The following DNAAF1 variants were observed in gnomAD, a reference collection of about 807,000 sequenced individuals.
DNAAF1 encodes dynein axonemal assembly factor 1, also known as dynein assembly factor 1, axonemal.
Under a neutral mutation model 71.1 loss-of-function variants are expected in DNAAF1, and 65 were observed. The observed-to-expected ratio is 0.91, with a 90% CI of 0.75 to 1.12. The LOEUF is 1.12. Among genes scored for constraint, DNAAF1 ranks in the 50% most tolerant of loss-of-function variants. The probability of loss-of-function intolerance (pLI) is 0.00; values close to 1 mark genes in which losing one functional copy is unlikely to be tolerated. For synonymous variants in DNAAF1, 414 were observed against 354.6 expected (o/e 1.17, Z -1.88); for missense variants, 1,178 against 899.8 (o/e 1.31, Z -3.96).
In DNAAF1 at chr16:84,172,259, GA is replaced by G. The variant is rs768889652; in HGVS notation, c.1530del (p.Glu510AspfsTer25). 1 of 1,613,812 alleles carries G rather than the reference GA, an allele frequency of 6.2e-7. No homozygotes were observed. Among genetic ancestry groups the G allele is most frequent in the Non-Finnish European group, 8.5e-7 (1 of 1,179,930 alleles). ...PPPPLGAARE[E>X]PTPQAVATEG... ...CTCCAAGACTTGTTGTTGCTCTTTA[GA>G]ACCGACTCCCCAGGCTGTGGCCACT... On this transcript the variant is annotated frameshift_variant and splice_region_variant, in exon 9 of 12. Coordinates refer to ENST00000378553, the MANE Select transcript of DNAAF1 (RefSeq NM_178452.6). LOFTEE classifies it high-confidence loss of function.
intron 10 of DNAAF1, chr16:84,175,114 C>T (rs1466616818): frequency 1.1e-5 from 3 of 274,014 alleles, no homozygotes; most frequent in Non-Finnish European, 2.2e-5. Context: ...CCTCAGCCTC[C>T]CAAAGTGCTG....
At chr16:84,153,877 C>T (rs532384982) in intron 3 of DNAAF1, among the ~76,000 whole-genome samples, 2 of 152,220 alleles carry the variant, frequency 1.3e-5, no homozygotes, top group East Asian at 3.9e-4. Context: ...TCCACCCACT[C>T]CCCACCATGA....
At chr16:84,177,004 G>A (rs544579935) in intron 11 of DNAAF1, 59 of 166,088 alleles carry the variant, frequency 3.6e-4, no homozygotes, top group Middle Eastern at 3.2e-3. Context: ...TTCAGCATCT[G>A]CCTTCAGGTG....
intron 3 of DNAAF1, among the ~76,000 whole-genome samples, chr16:84,151,845 C>G (rs939008149): frequency 6.6e-6 from 1 of 152,228 alleles, no homozygotes; most frequent in Admixed American, 6.5e-5. Flanking sequence ...AATTTCTCAC[C>G]ACATGAGCCT....
chr16:84,152,213 G>T (rs193008853), intron 3 of DNAAF1, among the ~76,000 whole-genome samples: 61 of 152,310 alleles, frequency 4.0e-4, no homozygotes, highest in African/African-American at 1.4e-3. Flanking sequence ...GAACAGCAAA[G>T]GGGGAGGAGA....
chr16:84,163,317 A>G (rs2087802789), intron 6 of DNAAF1, among the ~76,000 whole-genome samples: 1 of 149,438 alleles, frequency 6.7e-6, no homozygotes, highest in African/African-American at 2.5e-5. Flanking sequence ...GAAGGTTCCA[A>G]TTTTCCCGTA....
chr16:84,175,422 CAG>C (rs1043287681), intron 10 of DNAAF1: 2 of 182,438 alleles, frequency 1.1e-5, no homozygotes, highest in African/African-American at 2.4e-5. Context: ...GGAATTCTCT[CAG>C]AGTGACGTGA....
Position 84,174,752 on chromosome 16 carries a change from A to C in DNAAF1, c.1698+30A>C, listed in dbSNP as rs763259283. 35 of 1,614,014 alleles carry C rather than the reference A, an allele frequency of 2.2e-5. No individual in the cohort carries two copies. In the Admixed American group the frequency reaches 5.7e-4, roughly 26 times the overall value. ...AGGTCATTAGAAACCATTTTCCCAC[A>C]GGCAGCTTAATTCCACCTTCGTTCT... On this transcript the variant is annotated intron_variant, in intron 10 of 11. Coordinates refer to ENST00000378553, the MANE Select transcript of DNAAF1 (RefSeq NM_178452.6).
chr16:84,161,911 A>C (rs556433762), intron 6 of DNAAF1, among the ~76,000 whole-genome samples: 1 of 152,132 alleles, frequency 6.6e-6, no homozygotes, highest in Non-Finnish European at 1.5e-5. Flanking sequence ...CCCGACTAAA[A>C]GGGCTCCTCT....
intron 6 of DNAAF1, among the ~76,000 whole-genome samples, chr16:84,162,871 C>T (rs2087781606): frequency 6.6e-6 from 1 of 151,858 alleles, no homozygotes; most frequent in African/African-American, 2.4e-5. Context: ...CCCCCTATTT[C>T]TCGCTCCCTG....
In DNAAF1 at chr16:84,149,074, G is replaced by A; in HGVS notation, c.192G>A (p.Gln64=). The A allele has an allele frequency of 6.2e-7, 1 of 1,614,170 alleles. No individual in the cohort carries two copies. Among genetic ancestry groups the A allele is most frequent in the South Asian group, 1.1e-5 (1 of 91,090 alleles). The change falls in exon 2 of 12, where the codon CAG becomes CAA. Residue 64 remains glutamine, a synonymous_variant. Transcript: ENST00000378553. The part of the protein sequence containing the change: ...SDTSYHSQQK[Q]SGDNGSGGHF... The stretch of plus-strand genomic sequence containing the variant: ...CATCCTACCACAGCCAGCAGAAACA[G>A]AGTGGTGATAATGGGTCAGGTGGTC...
intron 8 of DNAAF1, 62 bp from the exon 9 acceptor site, chr16:84,172,198 T>C: frequency 6.6e-7 from 1 of 1,515,914 alleles, no homozygotes; most frequent in Admixed American, 1.8e-5. Context: ...ATCTTCACCG[T>C]AGGCTCGTCC....
chr16:84,159,197 C>G (rs772269130), intron 5 of DNAAF1: 2 of 1,011,180 alleles, frequency 2.0e-6, no homozygotes, highest in African/African-American at 3.5e-5. Context: ...GTCCATCCTG[C>G]GGCACTCAGC....
In DNAAF1 at chr16:84,145,435, G is replaced by A; in HGVS notation, c.-6G>A. ...CTGCGGGGCGTTCGGTGTCGCCGAA[G>A]TAAACATGCACCCTGAGCCCTCGGA... On this transcript the variant is annotated 5_prime_UTR_variant, in exon 1 of 12. Coordinates refer to ENST00000378553, the MANE Select transcript of DNAAF1 (RefSeq NM_178452.6). The A allele has an allele frequency of 6.3e-7, 1 of 1,580,312 alleles. No homozygotes were observed. Among genetic ancestry groups the A allele is most frequent in the Non-Finnish European group, 8.6e-7 (1 of 1,163,640 alleles).
At chr16:84,155,547 C>T in intron 4 of DNAAF1, 36 bp from the exon 5 acceptor site, 1 of 1,612,432 alleles carries the variant, frequency 6.2e-7, no homozygotes, top group Non-Finnish European at 8.5e-7. Context: ...CATTTTTATG[C>T]CTTTGTTTTT....
intron 9 of DNAAF1, 169 bp downstream of exon 9, chr16:84,172,544 C>G: frequency 6.9e-7 from 1 of 1,445,420 alleles, no homozygotes. Flanking sequence ...GGCCTCACCC[C>G]AGGCCCACTG....
At chr16:84,157,343 C>G (rs1433648956) in intron 5 of DNAAF1, among the ~76,000 whole-genome samples, 1 of 151,594 alleles carries the variant, frequency 6.6e-6, no homozygotes, top group Non-Finnish European at 1.5e-5. Flanking sequence ...GTCAACATGG[C>G]AAAACCCCAT....
chr16:84,149,117 G>A lies in DNAAF1; in HGVS notation c.235G>A (p.Glu79Lys). Residue 79 changes from glutamate (E) to lysine (K), a missense_variant, in exon 2 of 12, where the codon GAA becomes AAA. Coordinates refer to ENST00000378553, the MANE Select transcript of DNAAF1 (RefSeq NM_178452.6). ...GSGGHFAHPREDREDRGPRMT... is the reference protein window; with the variant it reads ...GSGGHFAHPRKDREDRGPRMT... ...AGGTGGTCACTTCGCACACCCAAGA[G>A]AAGACAGGGAAGATCGGGGCCCCAG... The A allele has an allele frequency of 1.9e-6, 3 of 1,614,118 alleles. No homozygotes were observed. The highest frequency in any genetic ancestry group is 1.1e-5 in the South Asian group (1 of 91,080).
chr16:84,151,323 G>A (rs929021677), intron 3 of DNAAF1, among the ~76,000 whole-genome samples: 9 of 152,128 alleles, frequency 5.9e-5, no homozygotes, highest in African/African-American at 2.2e-4. Flanking sequence ...TGAGGACGGT[G>A]CCACGCCAGG....
Sources: allele counts gnomAD v4.1 joint callset (sites outside exome capture counted in the v4.1 genomes callset), GRCh38; gene constraint gnomAD v4.1.1; transcripts MANE v1.5; gene names NCBI Gene and HGNC (gene_info 2026-07-23, HGNC 2026-07-21).